The following AIG1 variants were observed in gnomAD, a reference collection of about 807,000 sequenced individuals.
AIG1 encodes androgen-induced gene 1 protein.
A neutral mutation model predicts 31.4 loss-of-function variants in AIG1; 23 were observed. That is an observed-to-expected ratio of 0.73 (90% confidence interval 0.53 to 1.04). The LOEUF is 1.04. AIG1 is among the 50% of genes least tolerant of loss of function. The pLI is 0.00. For missense variants in AIG1, 274 were observed against 295.0 expected (o/e 0.93, Z 0.52); for synonymous variants, 100 against 110.5 (o/e 0.90, Z 0.60).
Position 143,313,840 on chromosome 6 carries a change from A to G in AIG1, c.516-19442A>G, listed in dbSNP as rs183214744. ...ATACACCTACTATGAACCCACAACAATCAAAACTTTTTAAAAATTTAAATT... is the reference window on the plus strand; with the variant it reads ...ATACACCTACTATGAACCCACAACAGTCAAAACTTTTTAAAAATTTAAATT... On this transcript the variant is annotated intron_variant, in intron 4 of 5. Coordinates refer to ENST00000357847, the MANE Select transcript of AIG1 (RefSeq NM_016108.4). 3.0e-3 allele frequency among the ~76,000 whole-genome samples: 453 copies of G among 152,134 alleles called. 4 individuals carry two copies. Among genetic ancestry groups the G allele is most frequent in the African/African-American group, 0.01 (427 of 41,508 alleles).
chr6:143,135,275 C>T (rs537085578), intron 1 of AIG1, among the ~76,000 whole-genome samples: 28 of 152,130 alleles, frequency 1.8e-4, no homozygotes, highest in Non-Finnish European at 3.4e-4. Flanking sequence ...CTGGTAGGGT[C>T]ACTCCAGTTT....
chr6:143,303,402 A>G (rs1332964903), intron 4 of AIG1, among the ~76,000 whole-genome samples: 2 of 151,888 alleles, frequency 1.3e-5, no homozygotes, highest in African/African-American at 2.4e-5. Context: ...TAATTTTTGT[A>G]TAAGGTGTAA....
intron 1 of AIG1, among the ~76,000 whole-genome samples, chr6:143,071,939 G>A (rs60912815): frequency 0.1 from 15,240 of 151,176 alleles, 2,385 homozygotes; most frequent in African/African-American, 0.34. Context: ...ATGTGCCACC[G>A]TGCCCAGATT....
At position 143,147,798 on chromosome 6, in the gene AIG1, C is replaced by T. The variant is rs1016279359; in HGVS notation, c.297+10808C>T. ...ACTTGCACTTTCTGAGGCTTCTCAC[C>T]GTAGCCCTTCCCAAGGTGGCAAAAC... On this transcript the variant is annotated intron_variant, in intron 2 of 5. Transcript: ENST00000357847. Among the ~76,000 whole-genome samples the T allele has an allele frequency of 7.9e-5, 12 of 152,238 alleles. No individual in the cohort carries two copies. In the East Asian group the frequency reaches 1.7e-3, roughly 22 times the overall value.
intron 3 of AIG1, among the ~76,000 whole-genome samples, chr6:143,243,894 T>G (rs1046361325): frequency 5.9e-5 from 9 of 152,112 alleles, no homozygotes; most frequent in Middle Eastern, 3.4e-3. Flanking sequence ...CAGACATAGC[T>G]AATCCATCAC....
intron 3 of AIG1, among the ~76,000 whole-genome samples, chr6:143,218,054 G>A (rs567119160): frequency 1.6e-4 from 24 of 152,322 alleles, no homozygotes; most frequent in African/African-American, 3.4e-4. Context: ...TCTCATTTGC[G>A]TGTTGCTAAT....
chr6:143,337,330 C>T (rs1777573138), intron 5 of AIG1, among the ~76,000 whole-genome samples: 1 of 152,132 alleles, frequency 6.6e-6, no homozygotes, highest in Non-Finnish European at 1.5e-5. Context: ...TTCAGATAAC[C>T]ACCTCTCTAT....
intron 2 of AIG1, among the ~76,000 whole-genome samples, chr6:143,137,569 C>T (rs1379027637): frequency 3.3e-5 from 5 of 152,184 alleles, no homozygotes; most frequent in Non-Finnish European, 7.3e-5. Context: ...CATACTTCTT[C>T]AGTTACCCAG....
intron 1 of AIG1, among the ~76,000 whole-genome samples, chr6:143,100,440 AAAAG>A (rs572338999): frequency 1.4e-4 from 22 of 152,214 alleles, no homozygotes; most frequent in Non-Finnish European, 2.6e-4. Context: ...AAAGCAGAAA[AAAAG>A]AAGGAACTGA....
intron 4 of AIG1, among the ~76,000 whole-genome samples, chr6:143,332,862 G>T (rs751628543): frequency 6.6e-6 from 1 of 152,216 alleles, no homozygotes; most frequent in Non-Finnish European, 1.5e-5. Context: ...CAGAGTATGA[G>T]ACTGCGGAGA....
intron 1 of AIG1, among the ~76,000 whole-genome samples, chr6:143,117,634 G>T (rs1781852240): frequency 6.6e-6 from 1 of 152,146 alleles, no homozygotes; most frequent in Non-Finnish European, 1.5e-5. Context: ...GCTAACTGGA[G>T]TTCAAGGGAG....
chr6:143,289,945 T>A (rs1357914755), intron 4 of AIG1, among the ~76,000 whole-genome samples: 4 of 152,224 alleles, frequency 2.6e-5, no homozygotes, highest in African/African-American at 9.7e-5. Flanking sequence ...GGCCGACACG[T>A]GTTCTTTGAC....
intron 2 of AIG1, among the ~76,000 whole-genome samples, chr6:143,164,392 T>C (rs2128563203): frequency 6.6e-6 from 1 of 152,262 alleles, no homozygotes; most frequent in Non-Finnish European, 1.5e-5. Context: ...TTGAGTACTC[T>C]ACTCTCTTTT....
chr6:143,140,560 T>C (rs1378865069), intron 2 of AIG1, among the ~76,000 whole-genome samples: 1 of 152,084 alleles, frequency 6.6e-6, no homozygotes, highest in African/African-American at 2.4e-5. Flanking sequence ...AAATGCAAAC[T>C]CTCCCTGGAG....
chr6:143,106,805 A>C (rs1780843637), intron 1 of AIG1, among the ~76,000 whole-genome samples: 2 of 152,164 alleles, frequency 1.3e-5, no homozygotes, highest in African/African-American at 4.8e-5. Flanking sequence ...TAGTTCCCTC[A>C]GGTGGGAAGT....
intron 1 of AIG1, among the ~76,000 whole-genome samples, chr6:143,111,522 T>A (rs1471011671): frequency 1.3e-5 from 2 of 152,236 alleles, no homozygotes; most frequent in African/African-American, 4.8e-5. Flanking sequence ...CATTGCTTCT[T>A]CATTGTGAAT....
chr6:143,284,023 A>G lies in AIG1; in HGVS notation c.400-87A>G. ...CTGCCTGACACTTTCCTAGGAATTT[A>G]TAGTGTGCATTCTCCTACTGGTGAA... is the stretch of plus-strand genomic sequence containing the variant. On this transcript the variant is annotated intron_variant, in intron 3 of 5. Coordinates refer to ENST00000357847, the MANE Select transcript of AIG1 (RefSeq NM_016108.4). The surrounding 1 kb of genome is among the most constrained non-coding windows in gnomAD (Gnocchi z 4.4). 3.4e-6 allele frequency: 3 copies of G among 890,278 alleles called. No individual in the cohort carries two copies. The highest frequency in any genetic ancestry group is 2.3e-5 in the Admixed American group (1 of 43,740). 55.1% of individuals were successfully genotyped at this position (890,278 alleles called of 1,614,324 possible).
At chr6:143,091,305 A>G (rs1779285892) in intron 1 of AIG1, among the ~76,000 whole-genome samples, 1 of 152,180 alleles carries the variant, frequency 6.6e-6, no homozygotes, top group Non-Finnish European at 1.5e-5. Flanking sequence ...CCTCCCATAA[A>G]TTACAAATAT....
chr6:143,296,536 T>C (rs542285117), intron 4 of AIG1, among the ~76,000 whole-genome samples: 1 of 152,166 alleles, frequency 6.6e-6, no homozygotes, highest in East Asian at 1.9e-4. Flanking sequence ...TAGCAGATGG[T>C]TCCCACAGCT....
Sources: allele counts gnomAD v4.1 joint callset (sites outside exome capture counted in the v4.1 genomes callset), GRCh38; gene constraint gnomAD v4.1.1; non-coding constraint Gnocchi (gnomAD v3.1); transcripts MANE v1.5; gene names NCBI Gene and HGNC (gene_info 2026-07-23, HGNC 2026-07-21).